Variants in PAK5 observed in about 807,000 individuals in gnomAD.
PAK5 encodes the protein serine/threonine-protein kinase PAK 5.
PAK5 carries 16 observed loss-of-function variants against 65.9 expected under a neutral mutation model. The observed-to-expected ratio is 0.24, with a 90% CI of 0.16 to 0.37. PAK5 has a LOEUF of 0.37. Ranked by LOEUF, PAK5 falls within the 10% of genes least tolerant of loss-of-function variation. PAK5 has a pLI of 1.00. For missense variants in PAK5, 785 were observed against 903.9 expected (o/e 0.87, Z 1.69); for synonymous variants, 371 against 354.9 (o/e 1.05, Z -0.51).
At chr20:9,618,915 GTTTTTTTTTTT>G (rs150725498) in intron 3 of PAK5, among the ~76,000 whole-genome samples, 82 of 18,830 alleles carry the variant, frequency 4.4e-3, no homozygotes, top group South Asian at 0.013. Flanking sequence ...TCTTTCTTTC[GTTTTTTTTTTT>G]TTTTTTTTTT....
intron 1 of PAK5, among the ~76,000 whole-genome samples, chr20:9,751,819 T>C: frequency 6.6e-6 from 1 of 152,174 alleles, no homozygotes; most frequent in East Asian, 1.9e-4. Context: ...AAACCCATTT[T>C]AAAAGGAAAG....
At chr20:9,706,530 G>C (rs967689712) in intron 2 of PAK5, among the ~76,000 whole-genome samples, 1 of 148,924 alleles carries the variant, frequency 6.7e-6, no homozygotes, top group Non-Finnish European at 1.5e-5. Context: ...ACAGGCTAGA[G>C]TGCAGCAGTG....
chr20:9,576,817 G>A (rs2045892851), intron 4 of PAK5, among the ~76,000 whole-genome samples: 1 of 152,108 alleles, frequency 6.6e-6, no homozygotes, highest in Non-Finnish European at 1.5e-5. Flanking sequence ...TGTACAAAGG[G>A]GTCAAGAATT....
At position 9,653,716 on chromosome 20, in the gene PAK5, T is replaced by A. The variant is rs143661526; in HGVS notation, c.-11-9377A>T. 3.0e-4 allele frequency among the ~76,000 whole-genome samples: 45 copies of A among 152,328 alleles called. No homozygotes were observed. The East Asian group carries it at 8.7e-3, about 29-fold the overall frequency. ...GTTGCTGTAACAAATTTCCACAAAC[T>A]TAGCAGCTTAGATAATGCAATGTAT... On this transcript the variant is annotated intron_variant, in intron 2 of 9. Coordinates refer to ENST00000353224, the MANE Select transcript of PAK5 (RefSeq NM_177990.4).
intron 3 of PAK5, among the ~76,000 whole-genome samples, chr20:9,600,749 G>A (rs1222209908): frequency 6.6e-6 from 1 of 152,184 alleles, no homozygotes; most frequent in African/African-American, 2.4e-5. Context: ...ACATTTCCCT[G>A]CAGAGTCTTC....
In PAK5 at chr20:9,781,913, G is replaced by C. The variant is rs138373773; in HGVS notation, c.-162+56849C>G. Among the ~76,000 whole-genome samples the C allele has an allele frequency of 1.5e-4, 23 of 152,180 alleles. No individual in the cohort carries two copies. The East Asian group carries it at 4.1e-3, about 27-fold the overall frequency. On this transcript the variant is annotated intron_variant, in intron 1 of 9. Transcript: ENST00000353224. ...TAGTTTCTCCCCTTTCCCCTATATA[G>C]TTTGTGCTCAGCGCAGCAGTCCGAA...
intron 1 of PAK5, among the ~76,000 whole-genome samples, chr20:9,743,188 G>A (rs1037355616): frequency 6.6e-6 from 1 of 151,774 alleles, no homozygotes; most frequent in African/African-American, 2.4e-5. Flanking sequence ...GGTAACACAG[G>A]GAGACATCGA....
chr20:9,656,694 G>A (rs745515412), intron 2 of PAK5, among the ~76,000 whole-genome samples: 1 of 152,120 alleles, frequency 6.6e-6, no homozygotes, highest in Non-Finnish European at 1.5e-5. Context: ...TTTCAATAAA[G>A]TGCAGCTAAT....
intron 2 of PAK5, among the ~76,000 whole-genome samples, chr20:9,652,765 CT>C (rs2123303862): frequency 6.6e-6 from 1 of 152,296 alleles, no homozygotes; most frequent in African/African-American, 2.4e-5. Flanking sequence ...TTTTGTGGAT[CT>C]GATTCTGGCT....
intron 2 of PAK5, among the ~76,000 whole-genome samples, chr20:9,680,369 G>A (rs775326187): frequency 8.5e-5 from 13 of 152,168 alleles, no homozygotes; most frequent in Non-Finnish European, 1.8e-4. Flanking sequence ...AGATATCTCA[G>A]GAGGAATGGT....
chr20:9,674,064 G>A (rs915244437), intron 2 of PAK5, among the ~76,000 whole-genome samples: 2 of 152,152 alleles, frequency 1.3e-5, no homozygotes, highest in Non-Finnish European at 2.9e-5. Flanking sequence ...GAAGACTCTG[G>A]GCTGCATAAT....
chr20:9,638,798 A>G (rs904587566), intron 3 of PAK5, among the ~76,000 whole-genome samples: 1 of 152,182 alleles, frequency 6.6e-6, no homozygotes, highest in Non-Finnish European at 1.5e-5. Flanking sequence ...AATCCTAACT[A>G]ATCAAGGAAG....
intron 4 of PAK5, among the ~76,000 whole-genome samples, chr20:9,572,372 T>C (rs2045805064): frequency 1.3e-5 from 2 of 152,188 alleles, no homozygotes; most frequent in Admixed American, 6.5e-5. Context: ...TAGCCTATAT[T>C]TGGAAGGCAG....
chr20:9,578,573 CA>C (rs1442412851), intron 4 of PAK5, among the ~76,000 whole-genome samples: 6 of 152,154 alleles, frequency 3.9e-5, no homozygotes, highest in Non-Finnish European at 8.8e-5. Context: ...CACACGCACA[CA>C]AAATCTTAGA....
chr20:9,709,632 G>A (rs1309062772), intron 2 of PAK5, among the ~76,000 whole-genome samples: 1 of 152,080 alleles, frequency 6.6e-6, no homozygotes, highest in Non-Finnish European at 1.5e-5. Context: ...GTTTTCTAAC[G>A]ACAAAAAGCT....
At chr20:9,694,174 T>C (rs1376992622) in intron 2 of PAK5, among the ~76,000 whole-genome samples, 2 of 152,178 alleles carry the variant, frequency 1.3e-5, no homozygotes, top group East Asian at 3.9e-4. Flanking sequence ...GACTGATAGC[T>C]GCAAAAAATC....
intron 2 of PAK5, among the ~76,000 whole-genome samples, chr20:9,693,851 T>C (rs2123440958): frequency 6.6e-6 from 1 of 152,224 alleles, no homozygotes; most frequent in East Asian, 1.9e-4. Flanking sequence ...AATACCTCTA[T>C]CTAGTTTCTC....
chr20:9,644,053 A>G (rs1394737308), intron 3 of PAK5, 72 bp downstream of exon 3: 4 of 1,124,884 alleles, frequency 3.6e-6, no homozygotes, highest in African/African-American at 3.1e-5. Context: ...TAGCTTGCTT[A>G]TAAAGCTGAT....
chr20:9,635,023 T>C (rs1225488146), intron 3 of PAK5, among the ~76,000 whole-genome samples: 1 of 152,218 alleles, frequency 6.6e-6, no homozygotes, highest in African/African-American at 2.4e-5. Context: ...TCTTCTGAAG[T>C]GGCATTTTTG....
Sources: gnomAD v4.1 joint callset for allele counts (sites outside exome capture counted in the v4.1 genomes callset) on GRCh38, gnomAD v4.1.1 for gene constraint, MANE v1.5 for transcripts, NCBI Gene and HGNC (gene_info 2026-07-23, HGNC 2026-07-21) for gene names.